Variants in CDK5RAP2 observed in about 807,000 individuals in gnomAD.
CDK5RAP2 encodes CDK5 regulatory subunit associated protein 2.
Under a neutral mutation model 232.9 loss-of-function variants are expected in CDK5RAP2, and 147 were observed. The ratio of observed to expected loss-of-function variants is 0.63; its 90% CI spans 0.55 to 0.72. The LOEUF is 0.72. Among genes scored for constraint, CDK5RAP2 ranks in the 30% least tolerant of loss-of-function variants. CDK5RAP2 has a pLI of 0.00. For synonymous variants in CDK5RAP2, 833 were observed against 833.7 expected (o/e 1.00, Z 0.01); for missense variants, 2,195 against 2,231.5 (o/e 0.98, Z 0.33).
rs2033607441 is a variant in CDK5RAP2 at position 120,408,177 on chromosome 9, G to A, written c.4726+170C>T. ...CCTCAGTCCTTCTATGTTTCCTGCTGTTCCTTCAGAAGAAGAGTGGGTCAA... is the reference window on the plus strand; with the variant it reads ...CCTCAGTCCTTCTATGTTTCCTGCTATTCCTTCAGAAGAAGAGTGGGTCAA... On this transcript the variant is annotated intron_variant, in intron 31 of 37. Transcript: ENST00000349780. The A allele has an allele frequency of 6.2e-6, 5 of 804,296 alleles. No individual in the cohort carries two copies. In the East Asian group the frequency reaches 1.0e-4, roughly 16 times the overall value. 49.8% of individuals were successfully genotyped at this position (804,296 alleles called of 1,614,324 possible).
At chr9:120,543,869 T>C (rs1234231864) in intron 5 of CDK5RAP2, among the ~76,000 whole-genome samples, 1 of 152,054 alleles carries the variant, frequency 6.6e-6, no homozygotes, top group African/African-American at 2.4e-5. Flanking sequence ...ATAATAATAA[T>C]ATATATTTAC....
At chr9:120,525,672 C>A (rs1481726548) in intron 10 of CDK5RAP2, among the ~76,000 whole-genome samples, 1 of 152,074 alleles carries the variant, frequency 6.6e-6, no homozygotes, top group Non-Finnish European at 1.5e-5. Context: ...GGCTAGAGTG[C>A]AGTGGCTGAT....
chr9:120,446,812 CCT>C (rs943879042), intron 22 of CDK5RAP2, among the ~76,000 whole-genome samples: 30 of 152,310 alleles, frequency 2.0e-4, no homozygotes, highest in African/African-American at 6.0e-4. Context: ...ACTCATTTCC[CCT>C]GTCTCCCTTC....
chr9:120,560,353 A>G (rs1261045805), intron 3 of CDK5RAP2, among the ~76,000 whole-genome samples: 2 of 152,204 alleles, frequency 1.3e-5, no homozygotes, highest in East Asian at 1.9e-4. Context: ...AAAATCACGT[A>G]GAGTGAAGGC....
chr9:120,548,324 G>A (rs1003201274), intron 4 of CDK5RAP2, among the ~76,000 whole-genome samples: 2 of 152,148 alleles, frequency 1.3e-5, no homozygotes, highest in African/African-American at 4.8e-5. Context: ...TATACTCTAC[G>A]TGCTTCACTT....
At chr9:120,398,364 A>G (rs2032707100) in intron 35 of CDK5RAP2, among the ~76,000 whole-genome samples, 2 of 152,202 alleles carry the variant, frequency 1.3e-5, no homozygotes, top group African/African-American at 4.8e-5. Context: ...CAGAATATGA[A>G]TATCAATATT....
At chr9:120,399,621 C>T (rs1281449770) in intron 35 of CDK5RAP2, among the ~76,000 whole-genome samples, 1 of 152,180 alleles carries the variant, frequency 6.6e-6, no homozygotes, top group Non-Finnish European at 1.5e-5. Context: ...GCAGTCAGGC[C>T]ATCTGTGTCA....
intron 19 of CDK5RAP2, among the ~76,000 whole-genome samples, chr9:120,459,432 C>A (rs939631857): frequency 6.6e-6 from 1 of 152,194 alleles, no homozygotes; most frequent in Admixed American, 6.5e-5. Context: ...ACCCCCATCT[C>A]TCCATACTGG....
chr9:120,411,456 GC>G lies in CDK5RAP2; in HGVS notation c.4315del (p.Ala1439LeufsTer10). ...AGAACTATGAAGCTCTGAACCAGAAGCAAAAATGCTTGTAGAACCTATAAAA... is the reference window on the plus strand; with the variant it reads ...AGAACTATGAAGCTCTGAACCAGAAGAAAAATGCTTGTAGAACCTATAAAA... ...EFVQGSTSIFASGSELHSSLT... is the reference protein window; with the variant it reads ...EFVQGSTSIFXSGSELHSSLT... On this transcript the variant is annotated frameshift_variant, in exon 29 of 38. Transcript: ENST00000349780. LOFTEE classifies it high-confidence loss of function. The G allele has an allele frequency of 6.2e-7, 1 of 1,606,644 alleles. No individual in the cohort carries two copies.
At chr9:120,441,545 GGCCA>G (rs2035898713) in intron 23 of CDK5RAP2, among the ~76,000 whole-genome samples, 1 of 152,212 alleles carries the variant, frequency 6.6e-6, no homozygotes, top group Non-Finnish European at 1.5e-5. Context: ...TGCGTGCGAA[GGCCA>G]GCCTGGAAAA....
chr9:120,439,401 G>A lies in CDK5RAP2; in HGVS notation c.3720C>T (p.Pro1240=), dbSNP rs1347307856. 2 of 1,613,088 alleles carry A rather than the reference G, an allele frequency of 1.2e-6. No individual in the cohort carries two copies. The highest frequency in any genetic ancestry group is 1.7e-5 in the Admixed American group (1 of 59,998). Reference sequence around the variant, plus strand: ...GAGACGGCAGAGGTGGAACGTACCTGGGAGGTGAGAGATCTCTGAACTTAT... The same window carrying A: ...GAGACGGCAGAGGTGGAACGTACCTAGGAGGTGAGAGATCTCTGAACTTAT... ...LQNKFRDLSP[P]RYDSLVQSQA... Residue 1240 remains proline (P), a splice_region_variant and synonymous_variant, in exon 24 of 38, where the codon CCC becomes CCT. Coordinates refer to ENST00000349780, the MANE Select transcript of CDK5RAP2 (RefSeq NM_018249.6).
rs139313605 is a variant in CDK5RAP2 at position 120,392,851 on chromosome 9, G to A, written c.5578+1661C>T. Among the ~76,000 whole-genome samples, 3 of 152,270 alleles carry A rather than the reference G, an allele frequency of 2.0e-5. No individual in the cohort carries two copies. The East Asian group carries it at 5.8e-4, about 29-fold the overall frequency. The stretch of plus-strand genomic sequence containing the variant: ...TGACCCACTGCCCACCTGGGGGACT[G>A]CTGCAGCCCCCAAAGAGGTCTTCCC... On this transcript the variant is annotated intron_variant, in intron 36 of 37. Coordinates refer to ENST00000349780, the MANE Select transcript of CDK5RAP2 (RefSeq NM_018249.6).
chr9:120,573,784 G>A (rs2042938717), intron 1 of CDK5RAP2, among the ~76,000 whole-genome samples: 1 of 152,214 alleles, frequency 6.6e-6, no homozygotes, highest in South Asian at 2.1e-4. Flanking sequence ...CCTTTTTAAT[G>A]TTATATAATT....
At chr9:120,440,562 T>C (rs182839733) in intron 23 of CDK5RAP2, 53 of 162,564 alleles carry the variant, frequency 3.3e-4, no homozygotes, top group African/African-American at 9.6e-4. Flanking sequence ...TCGCTGTGGT[T>C]CTGTAGCACC....
intron 26 of CDK5RAP2, 142 bp from the exon 27 acceptor site, chr9:120,420,102 C>G: frequency 2.8e-6 from 2 of 704,310 alleles, no homozygotes; most frequent in Non-Finnish European, 5.0e-6. Context: ...TATTTCCCTA[C>G]AGCATTAAGC....
At chr9:120,567,364 T>C (rs2042684982) in intron 3 of CDK5RAP2, among the ~76,000 whole-genome samples, 3 of 152,220 alleles carry the variant, frequency 2.0e-5, no homozygotes, top group Admixed American at 2.0e-4. Context: ...ACTGCTCTGT[T>C]CTGTAAAGAC....
chr9:120,487,368 G>T lies in CDK5RAP2; in HGVS notation c.1552C>A (p.Leu518Ile). 1 of 1,613,812 alleles carries T rather than the reference G, an allele frequency of 6.2e-7. No homozygotes were observed. The highest frequency in any genetic ancestry group is 2.2e-5 in the East Asian group (1 of 44,864). Residue 518 changes from leucine (L) to isoleucine (I), a missense_variant, in exon 14 of 38, where the codon CTC becomes ATC. By Grantham distance (5) the Leu-to-Ile change is conservative. Coordinates refer to ENST00000349780, the MANE Select transcript of CDK5RAP2 (RefSeq NM_018249.6). ...CYLMAAEDLE[L>I]RSEGLITEKC... is the part of the protein sequence containing the mutation. ...TCTGTTATTAAGCCTTCACTCCTGAGCTCAAGATCCTCTGCAGCCATTAAA... is the reference window on the plus strand; with the variant it reads ...TCTGTTATTAAGCCTTCACTCCTGATCTCAAGATCCTCTGCAGCCATTAAA...
intron 35 of CDK5RAP2, among the ~76,000 whole-genome samples, chr9:120,396,058 C>T (rs1031422666): frequency 6.6e-6 from 1 of 152,234 alleles, no homozygotes; most frequent in Non-Finnish European, 1.5e-5. Context: ...AGAAAAGGCC[C>T]TGGCCCTACA....
rs1466889041 is a variant in CDK5RAP2, at chr9:120,409,207, C to T, written c.4524G>A (p.Leu1508=). 4.3e-6 allele frequency: 7 copies of T among 1,614,130 alleles called. No homozygotes were observed. The highest frequency in any genetic ancestry group is 1.7e-4 in the Middle Eastern group (1 of 6,030). ...YASVKEENER[L]QKEGSEKERH... ...TCTCCTTCTCGCTGCCTTCTTTCTG[C>T]AGCCTTTCATTTTCTTCCTTCACGC... The change falls in exon 30 of 38, where the codon CTG becomes CTA. Residue 1508 remains leucine (L), a synonymous_variant. Transcript: ENST00000349780.
Sources: allele counts gnomAD v4.1 joint callset (sites outside exome capture counted in the v4.1 genomes callset), GRCh38; gene constraint gnomAD v4.1.1; transcripts MANE v1.5; gene names NCBI Gene and HGNC (gene_info 2026-07-23, HGNC 2026-07-21).